SOS1: variants seen among roughly 807,000 people sequenced by gnomAD.
SOS1 encodes son of sevenless homolog 1.
SOS1 carries 25 observed loss-of-function variants against 157.6 expected under a neutral mutation model. The observed-to-expected ratio is 0.16, with a 90% CI of 0.12 to 0.22. SOS1 has a LOEUF of 0.22. Among genes scored for constraint, SOS1 ranks in the 10% least tolerant of loss-of-function variants. The pLI is 1.00. For synonymous variants in SOS1, 528 were observed against 534.0 expected, an observed-to-expected ratio of 0.99 and a Z score of 0.16; for missense variants, 1,237 against 1,599.1, an observed-to-expected ratio of 0.77 and a Z score of 3.86.
At chr2:39,093,128 C>T (rs1411063303) in intron 1 of SOS1, among the ~76,000 whole-genome samples, 1 of 152,188 alleles carries the variant, frequency 6.6e-6, no homozygotes, top group African/African-American at 2.4e-5. Flanking sequence ...AAAAGGATCT[C>T]TAACCTTCCA....
At chr2:39,039,568 T>A (rs1484035352) in intron 6 of SOS1, among the ~76,000 whole-genome samples, 1 of 152,236 alleles carries the variant, frequency 6.6e-6, no homozygotes, top group East Asian at 1.9e-4. Context: ...GCCATTTATT[T>A]GTATCTTCTC....
intron 1 of SOS1, among the ~76,000 whole-genome samples, chr2:39,086,391 G>C (rs1027294607): frequency 6.6e-6 from 1 of 152,214 alleles, no homozygotes; most frequent in Non-Finnish European, 1.5e-5. Context: ...AAGATGAGCA[G>C]ATGTTTTCAT....
chr2:39,041,666 T>A (rs959400410), intron 6 of SOS1, among the ~76,000 whole-genome samples: 2 of 152,232 alleles, frequency 1.3e-5, no homozygotes, highest in African/African-American at 4.8e-5. Flanking sequence ...TTGTCTTTGA[T>A]CCATTTTGAG....
intron 1 of SOS1, among the ~76,000 whole-genome samples, chr2:39,088,093 T>C (rs998801094): frequency 1.3e-5 from 2 of 148,918 alleles, no homozygotes; most frequent in Non-Finnish European, 3.0e-5. Flanking sequence ...TAGATGAAGA[T>C]TATACTTTAA....
intron 6 of SOS1, among the ~76,000 whole-genome samples, chr2:39,043,605 G>T (rs190124128): frequency 0.012 from 1,850 of 152,276 alleles, 84 homozygotes; most frequent in Admixed American, 0.086. Context: ...CCACAGCTTT[G>T]GAGGCTAGAA....
At chr2:39,110,158 G>A (rs1673369783) in intron 1 of SOS1, among the ~76,000 whole-genome samples, 1 of 151,754 alleles carries the variant, frequency 6.6e-6, no homozygotes, top group East Asian at 1.9e-4. Context: ...ACCAGAATCT[G>A]CAGATGCTCA....
intron 2 of SOS1, 87 bp from the exon 3 acceptor site, chr2:39,058,891 C>T (rs1671304775): frequency 9.6e-7 from 1 of 1,044,576 alleles, no homozygotes; most frequent in Non-Finnish European, 1.4e-6. Flanking sequence ...TCAAAGAATA[C>T]CAAAAGTAGA....
chr2:39,111,269 G>T (rs544266321), intron 1 of SOS1, among the ~76,000 whole-genome samples: 33 of 152,250 alleles, frequency 2.2e-4, no homozygotes, highest in African/African-American at 7.7e-4. Flanking sequence ...ATTCAAGGAT[G>T]AAGGGATGGA....
rs185665374 is a variant in SOS1, at chr2:39,002,301, G to A, written c.2791+4111C>T. 3.6e-3 allele frequency among the ~76,000 whole-genome samples: 552 copies of A among 152,162 alleles called. 5 individuals carry two copies. Among genetic ancestry groups the A allele is most frequent in the African/African-American group, 0.013 (523 of 41,500 alleles). Reference sequence around the variant, plus strand: ...GATCGTGCCATTACACTCCAGCCTGGGCAACAAAAGTGAAACTGTCTTAAA... The same window carrying A: ...GATCGTGCCATTACACTCCAGCCTGAGCAACAAAAGTGAAACTGTCTTAAA... On this transcript the variant is annotated intron_variant, in intron 17 of 22. Transcript: ENST00000402219.
intron 17 of SOS1, among the ~76,000 whole-genome samples, chr2:39,006,057 G>A (rs1042141852): frequency 2.6e-5 from 4 of 152,098 alleles, no homozygotes; most frequent in African/African-American, 9.7e-5. Flanking sequence ...GGCACACTAT[G>A]ATTTTTAGCC....
intron 5 of SOS1, among the ~76,000 whole-genome samples, chr2:39,052,673 G>C (rs1572856010): frequency 6.6e-6 from 1 of 152,148 alleles, no homozygotes; most frequent in African/African-American, 2.4e-5. Context: ...TCATACCACA[G>C]TTTGTTTATA....
intron 1 of SOS1, among the ~76,000 whole-genome samples, chr2:39,101,964 T>C (rs1195368563): frequency 2.0e-5 from 3 of 151,934 alleles, no homozygotes; most frequent in African/African-American, 4.8e-5. Context: ...TCCCAGCACT[T>C]TGGGAGGCTG....
chr2:39,118,535 G>C (rs974046670), intron 1 of SOS1, among the ~76,000 whole-genome samples: 4 of 152,138 alleles, frequency 2.6e-5, no homozygotes, highest in African/African-American at 9.7e-5. Flanking sequence ...TACTGCAAAA[G>C]TATCTCTAAC....
chr2:39,056,629 T>C, intron 4 of SOS1, 73 bp downstream of exon 4: 2 of 932,226 alleles, frequency 2.1e-6, no homozygotes, highest in South Asian at 2.7e-5. Flanking sequence ...TTATTCTATA[T>C]GAATAGTACG....
rs1168342299 is a variant in SOS1, at chr2:39,093,420, A to C, written c.88-25667T>G. ...ACACTTTCACTTCCACCAAGACATA[A>C]GAGGGTCAGAGTCCGACATAAAGGT... On this transcript the variant is annotated intron_variant, in intron 1 of 22. Transcript: ENST00000402219. Among the ~76,000 whole-genome samples, 18 of 152,206 alleles carry C rather than the reference A, an allele frequency of 1.2e-4. 1 individual carries two copies.
At chr2:39,043,709 A>C (rs2124580515) in intron 6 of SOS1, among the ~76,000 whole-genome samples, 1 of 152,262 alleles carries the variant, frequency 6.6e-6, no homozygotes, top group Non-Finnish European at 1.5e-5. Flanking sequence ...ATGGCAAGGG[A>C]ACTACAGCAT....
intron 1 of SOS1, among the ~76,000 whole-genome samples, chr2:39,069,665 C>A (rs1001791814): frequency 2.0e-5 from 3 of 151,756 alleles, no homozygotes; most frequent in East Asian, 1.9e-4. Flanking sequence ...CTCCTGCCTC[C>A]GCCTCCCTAG....
chr2:39,063,580 C>T (rs1671486846), intron 2 of SOS1, among the ~76,000 whole-genome samples: 1 of 152,196 alleles, frequency 6.6e-6, no homozygotes, highest in African/African-American at 2.4e-5. Context: ...TTCATTTGGA[C>T]TATGATACTT....
Position 38,985,968 on chromosome 2 carries a change from G to A in SOS1, c.3858C>T (p.Ser1286=), listed in dbSNP as rs530210974. The part of the protein sequence containing the change: ...PPLTQEVDLH[S]IAGPPVPPRQ... ...GTGGAGGAACAGGCGGCCCAGCAAT[G>A]GAATGAAGGTCCACTTCTTGTGTCA... Residue 1286 remains serine, a synonymous_variant, in exon 23 of 23, where the codon TCC becomes TCT. Coordinates refer to ENST00000402219, the MANE Select transcript of SOS1 (RefSeq NM_005633.4). 3.1e-6 allele frequency: 5 copies of A among 1,613,860 alleles called. No homozygotes were observed. The highest frequency in any genetic ancestry group is 1.7e-5 in the Admixed American group (1 of 59,980).
Sources: allele counts gnomAD v4.1 joint callset (sites outside exome capture counted in the v4.1 genomes callset), GRCh38; gene constraint gnomAD v4.1.1; transcripts MANE v1.5; gene names NCBI Gene and HGNC (gene_info 2026-07-23, HGNC 2026-07-21).